SEMA5A: variants seen among roughly 807,000 people sequenced by gnomAD.
SEMA5A encodes the protein semaphorin 5A, also known as semaphorin-5A.
Under a neutral mutation model 135.5 loss-of-function variants are expected in SEMA5A, and 55 were observed. The observed-to-expected ratio is 0.41, with a 90% CI of 0.33 to 0.51. The LOEUF is 0.51. Among genes scored for constraint, SEMA5A ranks in the 20% least tolerant of loss-of-function variants. The pLI is 0.37. For missense variants in SEMA5A, 1,290 were observed against 1,419.9 expected (o/e 0.91, Z 1.47); for synonymous variants, 580 against 546.5 (o/e 1.06, Z -0.85).
chr5:9,449,798 G>A (rs570744867), intron 1 of SEMA5A, among the ~76,000 whole-genome samples: 31 of 152,246 alleles, frequency 2.0e-4, no homozygotes, highest in South Asian at 4.1e-4. Flanking sequence ...CCTGGGTAAC[G>A]TTTGGCAGAT....
At chr5:9,157,244 T>C (rs1743006300) in intron 11 of SEMA5A, among the ~76,000 whole-genome samples, 1 of 152,200 alleles carries the variant, frequency 6.6e-6, no homozygotes, top group Non-Finnish European at 1.5e-5. Flanking sequence ...TCTGAACTCC[T>C]GCATGCTCAC....
At chr5:9,043,398 T>C (rs184120770) in intron 22 of SEMA5A, 4 of 173,322 alleles carry the variant, frequency 2.3e-5, no homozygotes, top group Admixed American at 1.2e-4. Flanking sequence ...ACTGAATAGA[T>C]ATATAAGCAG....
chr5:9,464,892 A>G (rs1343666082), intron 1 of SEMA5A, among the ~76,000 whole-genome samples: 1 of 152,226 alleles, frequency 6.6e-6, no homozygotes, highest in Non-Finnish European at 1.5e-5. Context: ...TGCAGCCACC[A>G]TGAAGGGAGG....
chr5:9,154,093 A>ATATGTGTG (rs372321939), intron 12 of SEMA5A, among the ~76,000 whole-genome samples: 59 of 73,470 alleles, frequency 8.0e-4, no homozygotes, highest in African/African-American at 1.0e-3. Flanking sequence ...ATATATATAT[A>ATATGTGTG]TGTGTGTGTG....
At chr5:9,280,405 G>A (rs1237487065) in intron 5 of SEMA5A, among the ~76,000 whole-genome samples, 2 of 152,312 alleles carry the variant, frequency 1.3e-5, no homozygotes, top group African/African-American at 4.8e-5. Context: ...CTTCACAGGT[G>A]AGAAAGTGAA....
intron 16 of SEMA5A, among the ~76,000 whole-genome samples, chr5:9,098,082 A>C (rs762817648): frequency 3.9e-5 from 6 of 152,050 alleles, no homozygotes; most frequent in Admixed American, 6.6e-5. Context: ...CGTCTCTACT[A>C]AAAACATAAA....
chr5:9,464,001 C>G (rs1453839655), intron 1 of SEMA5A, among the ~76,000 whole-genome samples: 1 of 152,104 alleles, frequency 6.6e-6, no homozygotes, highest in Non-Finnish European at 1.5e-5. Flanking sequence ...ATTTTCTAAA[C>G]CTCGACACTG....
intron 3 of SEMA5A, among the ~76,000 whole-genome samples, chr5:9,368,055 A>G (rs1754990037): frequency 6.6e-6 from 1 of 152,116 alleles, no homozygotes; most frequent in South Asian, 2.1e-4. Flanking sequence ...TTTATAAATT[A>G]CCCACTCTCA....
In SEMA5A at chr5:9,204,461, T is replaced by C. The variant is rs564192815; in HGVS notation, c.647-2221A>G. Among the ~76,000 whole-genome samples, 1 of 152,260 alleles carries C rather than the reference T, an allele frequency of 6.6e-6. No homozygotes were observed. Among genetic ancestry groups the C allele is most frequent in the South Asian group, 2.1e-4 (1 of 4,820 alleles). On this transcript the variant is annotated intron_variant, in intron 8 of 22. Transcript: ENST00000382496. This position sits in a 1 kb window ranked among gnomAD's most constrained non-coding sequence, Gnocchi z 6.4. ...ACGAGAAGATACAAAGGAAGAAAGA[T>C]CTTTTATGGTTTCCAGCTGAAGGAT...
At chr5:9,203,984 G>A (rs1413343758) in intron 8 of SEMA5A, among the ~76,000 whole-genome samples, 24 of 152,134 alleles carry the variant, frequency 1.6e-4, no homozygotes, top group Non-Finnish European at 5.9e-5. Context: ...GGTGGGTGGG[G>A]GGGTGTTAAG....
At position 9,180,001 on chromosome 5, in the gene SEMA5A, G is replaced by C. The variant is rs191466984; in HGVS notation, c.1273+10266C>G. 2.4e-3 allele frequency among the ~76,000 whole-genome samples: 373 copies of C among 152,254 alleles called. 1 individual carries two copies. The highest frequency in any genetic ancestry group is 2.1e-3 in the Non-Finnish European group (145 of 68,022). ...AGAATCTGGGTGGAATTCTTGTCTCGTGCTAGTTTCTGAGGGCAGCTGTCC... is the reference window on the plus strand; with the variant it reads ...AGAATCTGGGTGGAATTCTTGTCTCCTGCTAGTTTCTGAGGGCAGCTGTCC... On this transcript the variant is annotated intron_variant, in intron 11 of 22. Transcript: ENST00000382496.
At chr5:9,229,030 A>T (rs1424162406) in intron 6 of SEMA5A, among the ~76,000 whole-genome samples, 5 of 152,118 alleles carry the variant, frequency 3.3e-5, no homozygotes, top group African/African-American at 9.7e-5. Context: ...GGCTCAAATG[A>T]TCCTCCCACC....
intron 1 of SEMA5A, among the ~76,000 whole-genome samples, chr5:9,453,644 G>C (rs1270720381): frequency 6.6e-6 from 1 of 152,136 alleles, no homozygotes; most frequent in East Asian, 1.9e-4. Flanking sequence ...TTGAAACAAG[G>C]TTATTTATTG....
intron 1 of SEMA5A, among the ~76,000 whole-genome samples, chr5:9,539,014 A>G (rs1486388887): frequency 1.3e-5 from 2 of 152,212 alleles, no homozygotes; most frequent in Non-Finnish European, 2.9e-5. Flanking sequence ...CAATTTAATG[A>G]TTTTTAGTAC....
intron 1 of SEMA5A, among the ~76,000 whole-genome samples, chr5:9,475,038 T>C (rs1368379116): frequency 6.6e-6 from 1 of 152,210 alleles, no homozygotes; most frequent in Non-Finnish European, 1.5e-5. Flanking sequence ...ACCTTCCAGG[T>C]TCAAGTGATT....
intron 1 of SEMA5A, among the ~76,000 whole-genome samples, chr5:9,535,418 G>A (rs1251350772): frequency 6.6e-6 from 1 of 152,074 alleles, no homozygotes; most frequent in African/African-American, 2.4e-5. Flanking sequence ...GCCTGGACAC[G>A]CTGAGATGCT....
intron 17 of SEMA5A, among the ~76,000 whole-genome samples, chr5:9,064,464 T>TA (rs1277392159): frequency 1.3e-5 from 2 of 152,096 alleles, no homozygotes; most frequent in African/African-American, 4.8e-5. Context: ...TATGCAGTCA[T>TA]AAAAAAGGAT....
At chr5:9,054,805 A>G (rs1736801023) in intron 18 of SEMA5A, among the ~76,000 whole-genome samples, 2 of 152,230 alleles carry the variant, frequency 1.3e-5, no homozygotes. Context: ...AGGTAACTGA[A>G]GAATGCTCGG....
intron 1 of SEMA5A, among the ~76,000 whole-genome samples, chr5:9,472,679 C>G (rs938702364): frequency 6.6e-6 from 1 of 152,054 alleles, no homozygotes; most frequent in Non-Finnish European, 1.5e-5. Flanking sequence ...CATAGATCTA[C>G]TTTTCTTCAT....
Sources: gnomAD v4.1 joint callset for allele counts (sites outside exome capture counted in the v4.1 genomes callset) on GRCh38, gnomAD v4.1.1 for gene constraint, Gnocchi (gnomAD v3.1) non-coding constraint, MANE v1.5 for transcripts, NCBI Gene and HGNC (gene_info 2026-07-23, HGNC 2026-07-21) for gene names.